The following DTWD2 variants were observed in gnomAD, a reference collection of about 807,000 sequenced individuals.
The protein encoded by DTWD2 is DTW motif tRNA-uridine aminocarboxypropyltransferase 2.
A neutral mutation model predicts 31.8 loss-of-function variants in DTWD2; 39 were observed. That is an observed-to-expected ratio of 1.22 (90% CI 0.95 to 1.60). The LOEUF is 1.60. Among genes scored for constraint, DTWD2 ranks in the 40% most tolerant of loss-of-function variants. The pLI, the probability that DTWD2 is intolerant of heterozygous loss-of-function variation, is 0.00. For missense variants in DTWD2, 515 were observed against 381.5 expected, an observed-to-expected ratio of 1.35 and a Z score of -2.92; for synonymous variants, 180 against 142.8, an observed-to-expected ratio of 1.26 and a Z score of -1.86.
At chr5:118,899,883 C>T (rs1302579143) in intron 4 of DTWD2, among the ~76,000 whole-genome samples, 2 of 149,598 alleles carry the variant, frequency 1.3e-5, no homozygotes, top group African/African-American at 4.9e-5. Context: ...CTCACTGCAA[C>T]CTCCGCCTCT....
chr5:118,963,079 T>C (rs1010351956), intron 1 of DTWD2, among the ~76,000 whole-genome samples: 11 of 152,178 alleles, frequency 7.2e-5, no homozygotes, highest in African/African-American at 2.4e-4. Flanking sequence ...AAAGCCAAGA[T>C]ATTCATAAAA....
intron 3 of DTWD2, among the ~76,000 whole-genome samples, chr5:118,929,873 A>G (rs1013683767): frequency 7.2e-5 from 11 of 152,306 alleles, no homozygotes; most frequent in African/African-American, 2.2e-4. Flanking sequence ...TCTGAAAGAA[A>G]TATTTACCCT....
intron 3 of DTWD2, among the ~76,000 whole-genome samples, chr5:118,936,726 AAG>A (rs1754054351): frequency 6.6e-6 from 1 of 152,088 alleles, no homozygotes; most frequent in Non-Finnish European, 1.5e-5. Context: ...AAAAAGAAAA[AAG>A]AGAAATTAAA....
intron 4 of DTWD2, among the ~76,000 whole-genome samples, chr5:118,879,888 A>T (rs1752703190): frequency 6.6e-6 from 1 of 152,168 alleles, no homozygotes; most frequent in Admixed American, 6.5e-5. Context: ...AATAATCTGT[A>T]CAAAGAAACC....
intron 4 of DTWD2, among the ~76,000 whole-genome samples, chr5:118,879,760 C>A (rs1752700263): frequency 6.6e-6 from 1 of 151,898 alleles, no homozygotes; most frequent in African/African-American, 2.4e-5. Flanking sequence ...GATGAGAACA[C>A]AGGAATACAT....
rs560084124 is a variant in DTWD2, at chr5:118,913,593, T to C, written c.597+14944A>G. Among the ~76,000 whole-genome samples the C allele has an allele frequency of 7.2e-5, 11 of 151,958 alleles. No homozygotes were observed. The South Asian group carries it at 1.7e-3, about 23-fold the overall frequency. On this transcript the variant is annotated intron_variant, in intron 4 of 5. Transcript: ENST00000510708. ...TCACAAGAACAAAGATTCTTAAGTA[T>C]ATGAGAGTTCAAGAAGTGAATGAAA...
chr5:118,836,166 T>A lies in DTWD2; in HGVS notation c.*4751A>T, dbSNP rs186744713. 5.9e-5 allele frequency among the ~76,000 whole-genome samples: 9 copies of A among 152,306 alleles called. No homozygotes were observed. The highest frequency in any genetic ancestry group is 5.8e-4 in the East Asian group (3 of 5,192). Reference sequence around the variant, plus strand: ...AAATTTCTTATTCGAATAATTTTTTTAAAAAACCTTACATTAAAAAGTTTC... The same window carrying A: ...AAATTTCTTATTCGAATAATTTTTTAAAAAAACCTTACATTAAAAAGTTTC... On this transcript the variant is annotated 3_prime_UTR_variant, in exon 6 of 6. Coordinates refer to ENST00000510708, the MANE Select transcript of DTWD2 (RefSeq NM_173666.4).
chr5:118,917,067 T>C (rs909927251), intron 4 of DTWD2, among the ~76,000 whole-genome samples: 5 of 152,222 alleles, frequency 3.3e-5, no homozygotes, highest in African/African-American at 1.2e-4. Context: ...TATAATAATA[T>C]ACTAACCTAG....
At chr5:118,915,357 T>C (rs1054791986) in intron 4 of DTWD2, among the ~76,000 whole-genome samples, 7 of 151,608 alleles carry the variant, frequency 4.6e-5, no homozygotes, top group East Asian at 3.9e-4. Context: ...ATAACCCATA[T>C]GTAAGCTAAT....
chr5:118,988,402 A>G lies in DTWD2; in HGVS notation c.110T>C (p.Val37Ala). ...TGCGCCCAGGGCAGCCGCCGCCGGC[A>G]CTGCGCCGCCCTCCCGCCGCTCCTT... ...NDKERREGGA[V>A]PAAAALGAEA... The change falls in exon 1 of 6, where the codon GTG becomes GCG. Residue 37 changes from valine (V) to alanine (A), a missense_variant. Val to Ala is a moderately conservative substitution (Grantham distance 64). Transcript: ENST00000510708. The G allele has an allele frequency of 6.3e-7, 1 of 1,598,206 alleles. No individual in the cohort carries two copies. Among genetic ancestry groups the G allele is most frequent in the Non-Finnish European group, 8.5e-7 (1 of 1,174,684 alleles).
intron 1 of DTWD2, among the ~76,000 whole-genome samples, chr5:118,969,523 C>CA (rs1754933999): frequency 6.6e-6 from 1 of 152,190 alleles, no homozygotes; most frequent in Non-Finnish European, 1.5e-5. Flanking sequence ...GTAATATCTC[C>CA]AGGTGTGGGA....
chr5:118,948,814 G>T (rs1367620548), intron 1 of DTWD2, among the ~76,000 whole-genome samples: 2 of 152,098 alleles, frequency 1.3e-5, no homozygotes, highest in African/African-American at 4.8e-5. Context: ...AGAGGAGTGG[G>T]GAAAGGATTT....
intron 2 of DTWD2, among the ~76,000 whole-genome samples, chr5:118,940,632 C>G (rs902438617): frequency 6.6e-6 from 1 of 152,126 alleles, no homozygotes; most frequent in African/African-American, 2.4e-5. Context: ...GCACACAATT[C>G]TAAGTACAAT....
At chr5:118,847,133 T>C (rs1471405413) in intron 5 of DTWD2, among the ~76,000 whole-genome samples, 2 of 152,148 alleles carry the variant, frequency 1.3e-5, no homozygotes, top group African/African-American at 4.8e-5. Flanking sequence ...ATTAATATCT[T>C]GGTAGCTAAT....
At chr5:118,880,267 T>C (rs527517532) in intron 4 of DTWD2, among the ~76,000 whole-genome samples, 7 of 152,202 alleles carry the variant, frequency 4.6e-5, no homozygotes, top group Non-Finnish European at 8.8e-5. Context: ...ATATGTCTTA[T>C]AATAAACAGA....
At chr5:118,910,305 T>G (rs1455340688) in intron 4 of DTWD2, among the ~76,000 whole-genome samples, 2 of 152,250 alleles carry the variant, frequency 1.3e-5, no homozygotes, top group Non-Finnish European at 2.9e-5. Flanking sequence ...ACTTTTTCAC[T>G]GCTCAGTAGT....
chr5:118,927,107 A>G (rs1294068822), intron 4 of DTWD2, among the ~76,000 whole-genome samples: 2 of 152,208 alleles, frequency 1.3e-5, no homozygotes, highest in Non-Finnish European at 2.9e-5. Context: ...GGAGAGAGAC[A>G]GAGAGCAAAA....
At chr5:118,983,888 A>G (rs1755362784) in intron 1 of DTWD2, among the ~76,000 whole-genome samples, 1 of 152,070 alleles carries the variant, frequency 6.6e-6, no homozygotes, top group Non-Finnish European at 1.5e-5. Context: ...GGTGGCTCTC[A>G]CCTGTAATCC....
At chr5:118,872,904 T>C (rs758269795) in intron 4 of DTWD2, among the ~76,000 whole-genome samples, 1 of 152,092 alleles carries the variant, frequency 6.6e-6, no homozygotes, top group Non-Finnish European at 1.5e-5. Context: ...ACAGGCATGC[T>C]TGAAACAGAT....
Sources: gnomAD v4.1 joint callset for allele counts (sites outside exome capture counted in the v4.1 genomes callset) on GRCh38, gnomAD v4.1.1 for gene constraint, MANE v1.5 for transcripts, NCBI Gene and HGNC (gene_info 2026-07-23, HGNC 2026-07-21) for gene names.